Variants in GCN1 observed in about 807,000 individuals in gnomAD.
GCN1 encodes GCN1 activator of EIF2AK4.
In GCN1, 90 loss-of-function variants were observed where a neutral mutation model predicts 288.4. That is an observed-to-expected ratio of 0.31 (90% CI 0.26 to 0.37). The LOEUF is 0.37. Ranked by LOEUF, GCN1 falls within the 10% of genes least tolerant of loss-of-function variation. The probability of loss-of-function intolerance (pLI) is 1.00; values close to 1 mark genes in which losing one functional copy is unlikely to be tolerated. For synonymous variants in GCN1, 1,386 were observed against 1,420.2 expected (o/e 0.98, Z 0.54); for missense variants, 2,586 against 3,419.9 (o/e 0.76, Z 6.08).
Position 120,136,410 on chromosome 12 carries a change from A to C in GCN1, c.7008+92T>G, listed in dbSNP as rs114951406. ...TCTGCTATGCGGCTCTCCACAATAA[A>C]TCTGTTGCCCTGCTGCTACATGACA... On this transcript the variant is annotated intron_variant, in intron 51 of 57. Transcript: ENST00000300648. 290 of 939,450 alleles carry C rather than the reference A, an allele frequency of 3.1e-4. No homozygotes were observed. In the African/African-American group the frequency reaches 4.4e-3, roughly 14 times the overall value. 58.2% of individuals were successfully genotyped at this position (939,450 alleles called of 1,614,324 possible).
intron 12 of GCN1, among the ~76,000 whole-genome samples, chr12:120,174,931 G>A (rs1057488557): frequency 1.9e-4 from 29 of 151,166 alleles, no homozygotes; most frequent in Non-Finnish European, 4.0e-4. Context: ...TTCAAGACCA[G>A]CCTGGCCAAT....
intron 18 of GCN1, 26 bp from the exon 19 acceptor site, chr12:120,163,285 C>T (rs541064030): frequency 1.0e-5 from 16 of 1,577,570 alleles, no homozygotes; most frequent in East Asian, 6.7e-5. Context: ...TGAGATAATA[C>T]TGCTAAGAGC....
chr12:120,194,289 T>C (rs1184788850), intron 1 of GCN1, among the ~76,000 whole-genome samples: 3 of 152,242 alleles, frequency 2.0e-5, no homozygotes, highest in Non-Finnish European at 4.4e-5. Context: ...CTGCTCATAG[T>C]AGGTGCTCAA....
At chr12:120,145,355 A>G in intron 38 of GCN1, 25 bp from the exon 39 acceptor site, 1 of 1,529,958 alleles carries the variant, frequency 6.5e-7, no homozygotes, top group Non-Finnish European at 8.8e-7. Flanking sequence ...GAGGCGGCTC[A>G]GGTGAGGCCC....
chr12:120,167,377 G>T (rs1236983234), intron 16 of GCN1, among the ~76,000 whole-genome samples: 5 of 146,420 alleles, frequency 3.4e-5, no homozygotes, highest in African/African-American at 1.0e-4. Context: ...AAAAAAGAAT[G>T]ATGAAGTTCA....
chr12:120,162,042 A>AT lies in GCN1; in HGVS notation c.2179dup (p.Met727AsnfsTer49). The AT allele has an allele frequency of 6.2e-7, 1 of 1,612,782 alleles. No homozygotes were observed. Among genetic ancestry groups the AT allele is most frequent in the East Asian group, 2.2e-5 (1 of 44,880 alleles). Reference sequence around the variant, plus strand: ...CGGCGACAGGACGGAAAGGGAGCCCATGGCATTCATGGAGGACTGCCAGAC... The same window carrying AT: ...CGGCGACAGGACGGAAAGGGAGCCCATTGGCATTCATGGAGGACTGCCAGAC... On this transcript the variant is annotated frameshift_variant, in exon 21 of 58. Coordinates refer to ENST00000300648, the MANE Select transcript of GCN1 (RefSeq NM_006836.2). LOFTEE classifies it high-confidence loss of function.
rs1876658858 is a variant in GCN1 at position 120,127,620 on chromosome 12, G to A, written c.*229C>T. 2 of 502,384 alleles carry A rather than the reference G, an allele frequency of 4.0e-6. No individual in the cohort carries two copies. Among genetic ancestry groups the A allele is most frequent in the East Asian group, 7.2e-5 (2 of 27,770 alleles). The allele number at this position is 502,384 out of a possible 1,614,324, so 31.1% of individuals were successfully genotyped here. A position where few individuals can be genotyped will look rare whatever the true frequency, so the allele number is the denominator to read the frequency against. On this transcript the variant is annotated 3_prime_UTR_variant, in exon 58 of 58. Transcript: ENST00000300648. ...CTCCTGGGCTGCCATTTGCTGAGGC[G>A]CATGCGTGTGCTTTTCCTTCTCTTC...
chr12:120,175,636 C>T (rs781247500), intron 11 of GCN1, 110 bp downstream of exon 11: 58 of 1,171,758 alleles, frequency 4.9e-5, no homozygotes, highest in Non-Finnish European at 6.4e-5. Flanking sequence ...CCTGGCCACA[C>T]AGCCTTGCCA....
chr12:120,192,047 A>C (rs1297498733), intron 1 of GCN1, among the ~76,000 whole-genome samples: 1 of 152,214 alleles, frequency 6.6e-6, no homozygotes, highest in Non-Finnish European at 1.5e-5. Flanking sequence ...TTCAACATCC[A>C]TTTAATAAAC....
intron 1 of GCN1, among the ~76,000 whole-genome samples, chr12:120,194,201 G>A (rs1280925989): frequency 7.2e-5 from 11 of 152,236 alleles, no homozygotes; most frequent in Admixed American, 7.2e-4. Flanking sequence ...TAAGTCACTT[G>A]TTTGGCATGT....
chr12:120,158,040 C>G lies in GCN1; in HGVS notation c.2906-10G>C. On this transcript the variant is annotated splice_polypyrimidine_tract_variant and intron_variant, in intron 25 of 57. Coordinates refer to ENST00000300648, the MANE Select transcript of GCN1 (RefSeq NM_006836.2). This position sits in a 1 kb window ranked among gnomAD's most constrained non-coding sequence, Gnocchi z 4.3. ...GACAAGGGCGCAGCACCTGTGAGAG[C>G]GAGAAGCAGATAAGATTCTGCAGGC... is the stretch of plus-strand genomic sequence containing the variant. 3 of 1,612,750 alleles carry G rather than the reference C, an allele frequency of 1.9e-6. No homozygotes were observed. Among genetic ancestry groups the G allele is most frequent in the South Asian group, 1.1e-5 (1 of 91,010 alleles).
rs781700217 is a variant in GCN1, at chr12:120,164,721, G to T, written c.1613C>A (p.Ala538Asp). ...TGTCAGATGCAACACAGTACACAGG[G>T]CTTGGAGGGAAGAAAAGGAATGGAA... Reference protein sequence around the residue: ...EKFLVMASEDALCTVLHLTER... With the variant: ...EKFLVMASEDDLCTVLHLTER... The change falls in exon 17 of 58, where the codon GCC becomes GAC. Residue 538 changes from alanine to aspartate, a missense_variant and splice_region_variant. Physicochemically the swap from Ala to Asp is moderately radical, Grantham distance 126. Around this residue, in one of 8 missense-constraint regions of GCN1, gnomAD observed 913 missense variants for 1,107.0 expected, o/e 0.82. Coordinates refer to ENST00000300648, the MANE Select transcript of GCN1 (RefSeq NM_006836.2). The T allele has an allele frequency of 6.2e-7, 1 of 1,607,266 alleles. No individual in the cohort carries two copies. Among genetic ancestry groups the T allele is most frequent in the Non-Finnish European group, 8.5e-7 (1 of 1,173,826 alleles).
rs1422895281 is a variant in GCN1, at chr12:120,175,760, A to T, written c.1028T>A (p.Phe343Tyr). The T allele has an allele frequency of 8.1e-6, 13 of 1,612,478 alleles. No individual in the cohort carries two copies. Among genetic ancestry groups the T allele is most frequent in the Non-Finnish European group, 1.1e-5 (13 of 1,179,418 alleles). ...SAMESLTKHL[F>Y]AILGGSEGKL... ...GGCTTGCTCACCTCCGAGGATAGCA[A>T]ATAGGTGCTTGGTCAGGGATTCCAT... The change falls in exon 11 of 58, where the codon TTT (phenylalanine) becomes TAT (tyrosine). Residue 343 changes from phenylalanine (F) to tyrosine (Y), a missense_variant. By Grantham distance (22) the Phe-to-Tyr change is conservative. This residue lies in a region of GCN1 where 913 missense variants were observed against 1,107.0 expected (regional missense o/e 0.82). Coordinates refer to ENST00000300648, the MANE Select transcript of GCN1 (RefSeq NM_006836.2).
Position 120,175,219 on chromosome 12 carries a change from A to T in GCN1, c.1043-7T>A. The stretch of plus-strand genomic sequence containing the variant: ...GTTAGTTTTCCTTCCGAGCCTGAGA[A>T]GAGAGACAGCAAAGATTCACATTCA... On this transcript the variant is annotated splice_polypyrimidine_tract_variant and splice_region_variant and intron_variant, in intron 11 of 57. Transcript: ENST00000300648. 1 of 1,612,344 alleles carries T rather than the reference A, an allele frequency of 6.2e-7. No individual in the cohort carries two copies.
At position 120,153,750 on chromosome 12, in the gene GCN1, A is replaced by G. The variant is rs370992849; in HGVS notation, c.3861T>C (p.His1287=). 6.2e-7 allele frequency: 1 copy of G among 1,613,652 alleles called. No homozygotes were observed. Among genetic ancestry groups the G allele is most frequent in the African/African-American group, 1.3e-5 (1 of 74,964 alleles). Reference sequence around the variant, plus strand: ...CTGGCTGGGACCCCCTTACCTTCCCATGAGTGTTGAGCGTTGCGAGGGCTG... The same window carrying G: ...CTGGCTGGGACCCCCTTACCTTCCCGTGAGTGTTGAGCGTTGCGAGGGCTG... ...LDAALATLNT[H]GKENVNSLLP... Residue 1287 remains histidine, a synonymous_variant, in exon 32 of 58, where the codon CAT becomes CAC. Transcript: ENST00000300648. The surrounding 1 kb of genome is among the most constrained non-coding windows in gnomAD (Gnocchi z 4.4).
rs1298656915 is a variant in GCN1 at position 120,138,546 on chromosome 12, A to C, written c.6157-131T>G. 3 of 1,033,202 alleles carry C rather than the reference A, an allele frequency of 2.9e-6. 1 individual carries two copies. The East Asian group carries it at 7.1e-5, about 24-fold the overall frequency. The allele number at this position is 1,033,202 out of a possible 1,614,324, so 64.0% of individuals were successfully genotyped here. A position where few individuals can be genotyped will look rare whatever the true frequency, so the allele number is the denominator to read the frequency against. ...CACATTTCCTCACTGCCGAAGGCGAAGCACAAAGCCAAGTCTGATCTTGCT... is the reference window on the plus strand; with the variant it reads ...CACATTTCCTCACTGCCGAAGGCGACGCACAAAGCCAAGTCTGATCTTGCT... On this transcript the variant is annotated intron_variant, in intron 46 of 57. Transcript: ENST00000300648.
chr12:120,127,830 T>C lies in GCN1; in HGVS notation c.*19A>G. The stretch of plus-strand genomic sequence containing the variant: ...GAGCAAAGATGTGGAGCGGCAATGC[T>C]GCTGCTGGCCCAGGCCTCTCATGTC... On this transcript the variant is annotated 3_prime_UTR_variant, in exon 58 of 58. Transcript: ENST00000300648. 1 of 1,609,072 alleles carries C rather than the reference T, an allele frequency of 6.2e-7. No homozygotes were observed.
intron 36 of GCN1, 57 bp from the exon 37 acceptor site, chr12:120,148,403 A>C: frequency 1.9e-5 from 27 of 1,416,332 alleles, no homozygotes; most frequent in Non-Finnish European, 2.7e-5. Flanking sequence ...CCAGCAACTC[A>C]CCTGTGCTGG....
At position 120,131,279 on chromosome 12, in the gene GCN1, G is replaced by A. The variant is rs1876810833; in HGVS notation, c.7469C>T (p.Ser2490Phe). ...MVRHGRSLAL[S>F]VAVNVAPGRL... ...GCCAGGAGCCACATTCACAGCCACG[G>A]AAAGTGCCAGGCTCCGCCCGTGCCG... Residue 2490 changes from serine (S) to phenylalanine (F), a missense_variant, in exon 55 of 58, where the codon TCC (serine) becomes TTC (phenylalanine). Physicochemically the swap from Ser to Phe is radical, Grantham distance 155. This residue lies in a region of GCN1 where 355 missense variants were observed against 431.1 expected (regional missense o/e 0.82). Transcript: ENST00000300648. 1 of 1,614,080 alleles carries A rather than the reference G, an allele frequency of 6.2e-7. No homozygotes were observed. Among genetic ancestry groups the A allele is most frequent in the Non-Finnish European group, 8.5e-7 (1 of 1,179,998 alleles).
Sources: allele counts gnomAD v4.1 joint callset (sites outside exome capture counted in the v4.1 genomes callset), GRCh38; gene constraint gnomAD v4.1.1; regional missense constraint gnomAD v4.1.1; non-coding constraint Gnocchi (gnomAD v3.1); transcripts MANE v1.5; gene names NCBI Gene and HGNC (gene_info 2026-07-23, HGNC 2026-07-21).